NAPEPLD: variants seen among roughly 807,000 people sequenced by gnomAD.
NAPEPLD encodes the protein N-acyl-phosphatidylethanolamine-hydrolyzing phospholipase D.
NAPEPLD carries 23 observed loss-of-function variants against 38.1 expected under a neutral mutation model. The observed-to-expected ratio is 0.60, with a 90% confidence interval of 0.43 to 0.86. NAPEPLD has a LOEUF of 0.86. Among genes scored for constraint, NAPEPLD ranks in the 40% least tolerant of loss-of-function variants. The probability of loss-of-function intolerance (pLI) is 0.00; values close to 1 mark genes in which losing one functional copy is unlikely to be tolerated. For synonymous variants in NAPEPLD, 147 were observed against 162.0 expected (o/e 0.91, Z 0.71); for missense variants, 411 against 476.8 (o/e 0.86, Z 1.28).
Position 103,128,771 on chromosome 7 carries a change from A to C in NAPEPLD, c.6T>G (p.Asp2Glu), listed in dbSNP as rs542549561. 6.2e-7 allele frequency: 1 copy of C among 1,609,986 alleles called. No individual in the cohort carries two copies. Among genetic ancestry groups the C allele is most frequent in the South Asian group, 1.1e-5 (1 of 89,958 alleles). M[D>E]ENESNQSLMT... ...TCAGAGACTGGTTGCTTTCATTTTCATCCATGTCCTTTGGTGAAGAACTAA... is the reference window on the plus strand; with the variant it reads ...TCAGAGACTGGTTGCTTTCATTTTCCTCCATGTCCTTTGGTGAAGAACTAA... The change falls in exon 2 of 5, where the codon GAT (aspartate) becomes GAG (glutamate). Residue 2 changes from aspartate to glutamate, a missense_variant. Asp to Glu is a conservative substitution (Grantham distance 45, BLOSUM62 2). Transcript: ENST00000465647.
At chr7:103,121,964 G>A (rs938589877) in intron 2 of NAPEPLD, among the ~76,000 whole-genome samples, 1 of 152,158 alleles carries the variant, frequency 6.6e-6, no homozygotes, top group Non-Finnish European at 1.5e-5. Flanking sequence ...ATTTCAAGTA[G>A]AGAAACCACC....
At chr7:103,121,229 G>A (rs1313912100) in intron 2 of NAPEPLD, among the ~76,000 whole-genome samples, 1 of 152,196 alleles carries the variant, frequency 6.6e-6, no homozygotes, top group African/African-American at 2.4e-5. Flanking sequence ...AAAGCGTGAA[G>A]AGTATTATCC....
chr7:103,114,009 C>A (rs1805088385), intron 4 of NAPEPLD, among the ~76,000 whole-genome samples: 1 of 152,028 alleles, frequency 6.6e-6, no homozygotes, highest in African/African-American at 2.4e-5. Flanking sequence ...GGCGATTCTC[C>A]TGCCTCAGCC....
intron 4 of NAPEPLD, among the ~76,000 whole-genome samples, chr7:103,106,408 A>C (rs1585820076): frequency 2.0e-5 from 3 of 148,200 alleles, no homozygotes. Flanking sequence ...AAAACCGTTC[A>C]CTCCCCTGGA....
chr7:103,130,616 A>G (rs1808735669), intron 1 of NAPEPLD, among the ~76,000 whole-genome samples: 1 of 151,968 alleles, frequency 6.6e-6, no homozygotes, highest in South Asian at 2.1e-4. Context: ...TATTTTTGAG[A>G]CAGGGTCTCA....
chr7:103,107,909 A>G (rs1324977355), intron 4 of NAPEPLD, among the ~76,000 whole-genome samples: 2 of 152,174 alleles, frequency 1.3e-5, no homozygotes, highest in African/African-American at 4.8e-5. Context: ...CACCACAAAG[A>G]TACTCCTCAA....
chr7:103,114,496 C>T (rs7792240), intron 4 of NAPEPLD, among the ~76,000 whole-genome samples: 133,182 of 152,100 alleles, frequency 0.88, 61,037 homozygotes, highest in East Asian at 1. Flanking sequence ...GATTCAAGTA[C>T]TCCCCACACT....
chr7:103,147,072 T>C (rs1272732259), intron 1 of NAPEPLD, among the ~76,000 whole-genome samples: 1 of 152,246 alleles, frequency 6.6e-6, no homozygotes, highest in Non-Finnish European at 1.5e-5. Flanking sequence ...TCGTATGCAA[T>C]CTGTCTCCAA....
chr7:103,119,231 T>C (rs936361079), intron 3 of NAPEPLD, among the ~76,000 whole-genome samples: 11 of 152,144 alleles, frequency 7.2e-5, no homozygotes, highest in Non-Finnish European at 1.5e-4. Context: ...TTTTAACTCA[T>C]ATGACTATAA....
At chr7:103,120,295 T>C in intron 2 of NAPEPLD, 72 bp from the exon 3 acceptor site, 1 of 1,476,908 alleles carries the variant, frequency 6.8e-7, no homozygotes, top group Non-Finnish European at 9.0e-7. Context: ...AGTCCACATT[T>C]TGACCTAAAT....
intron 1 of NAPEPLD, among the ~76,000 whole-genome samples, chr7:103,134,860 T>C (rs1043410035): frequency 1.3e-5 from 2 of 152,176 alleles, no homozygotes; most frequent in Non-Finnish European, 2.9e-5. Flanking sequence ...GTCAGCCAAG[T>C]ACAAATATTT....
intron 3 of NAPEPLD, among the ~76,000 whole-genome samples, chr7:103,117,472 T>C (rs898666289): frequency 1.3e-5 from 2 of 152,218 alleles, no homozygotes; most frequent in Non-Finnish European, 2.9e-5. Flanking sequence ...AAATAAAAAC[T>C]TAAAATCTTA....
chr7:103,138,473 CT>C (rs59334185), intron 1 of NAPEPLD, among the ~76,000 whole-genome samples: 19 of 144,584 alleles, frequency 1.3e-4, no homozygotes, highest in African/African-American at 2.5e-4. Context: ...TTCTACAGCC[CT>C]TTTTTTTTTT....
chr7:103,114,954 CAG>C, intron 4 of NAPEPLD, 104 bp downstream of exon 4: 1 of 747,596 alleles, frequency 1.3e-6, no homozygotes, highest in Non-Finnish European at 2.3e-6. Flanking sequence ...GATGACTGTG[CAG>C]TATCTGATTC....
intron 1 of NAPEPLD, among the ~76,000 whole-genome samples, chr7:103,137,166 T>G (rs1281774086): frequency 1.3e-5 from 2 of 152,250 alleles, no homozygotes; most frequent in Non-Finnish European, 2.9e-5. Flanking sequence ...CTCAAACTCC[T>G]GACCTCGTGA....
intron 1 of NAPEPLD, among the ~76,000 whole-genome samples, chr7:103,133,578 A>T (rs1268802371): frequency 6.6e-6 from 1 of 152,208 alleles, no homozygotes. Flanking sequence ...GGCACTCAGA[A>T]GACCACAGAT....
At position 103,100,578 on chromosome 7, in the gene NAPEPLD, T is replaced by C. The variant is rs545709831; in HGVS notation, c.*2851A>G. On this transcript the variant is annotated 3_prime_UTR_variant, in exon 5 of 5. Coordinates refer to ENST00000465647, the MANE Select transcript of NAPEPLD (RefSeq NM_001122838.3). ...ACCCACCCTATTGGGCAGTGAGGCA[T>C]AGCAAAGTATTCCTCAGTTATCACA... 7 of 152,366 alleles carry C rather than the reference T, an allele frequency of 4.6e-5. No individual in the cohort carries two copies. Among genetic ancestry groups the C allele is most frequent in the Admixed American group, 1.3e-4 (2 of 15,306 alleles). 9.4% of individuals were successfully genotyped at this position (152,366 alleles called of 1,614,324 possible). A position where few individuals can be genotyped will look rare whatever the true frequency, so the allele number is the denominator to read the frequency against.
intron 4 of NAPEPLD, among the ~76,000 whole-genome samples, chr7:103,109,287 ATTC>A (rs1162684287): frequency 6.6e-6 from 1 of 152,208 alleles, no homozygotes. Context: ...CAGAATATAC[ATTC>A]TTCTCAGAAA....
chr7:103,137,984 CTT>C (rs11413343), intron 1 of NAPEPLD, among the ~76,000 whole-genome samples: 1 of 143,766 alleles, frequency 7.0e-6, no homozygotes. Flanking sequence ...TGCTTTTTTT[CTT>C]TTTTTTTTTG....
Sources: allele counts gnomAD v4.1 joint callset (sites outside exome capture counted in the v4.1 genomes callset), GRCh38; gene constraint gnomAD v4.1.1; transcripts MANE v1.5; gene names NCBI Gene and HGNC (gene_info 2026-07-23, HGNC 2026-07-21).